The following KSR2 variants were observed in gnomAD, a reference collection of about 807,000 sequenced individuals.
KSR2 encodes the protein kinase suppressor of ras 2.
A neutral mutation model predicts 107.8 loss-of-function variants in KSR2; 25 were observed. The observed-to-expected ratio is 0.23, with a 90% CI of 0.17 to 0.32. The LOEUF (loss-of-function observed/expected upper bound fraction) is 0.32. Ranked by LOEUF, KSR2 falls within the 10% of genes least tolerant of loss-of-function variation. KSR2 has a pLI of 1.00. For missense variants in KSR2, 887 were observed against 1,268.9 expected (o/e 0.70, Z 4.57); for synonymous variants, 480 against 507.0 (o/e 0.95, Z 0.71).
intron 1 of KSR2, among the ~76,000 whole-genome samples, chr12:117,962,493 G>A (rs1044390906): frequency 6.6e-6 from 1 of 150,840 alleles, no homozygotes; most frequent in African/African-American, 2.4e-5. Context: ...CACCCAGGCT[G>A]GAGTGCAATG....
At chr12:117,539,972 C>T in intron 9 of KSR2, 85 bp from the exon 10 acceptor site, 1 of 1,115,800 alleles carries the variant, frequency 9.0e-7, no homozygotes, top group Non-Finnish European at 1.3e-6. Flanking sequence ...AGGAGAGGCC[C>T]CCACCCCAGC....
At chr12:117,829,379 C>T (rs1007312058) in intron 3 of KSR2, among the ~76,000 whole-genome samples, 1 of 152,218 alleles carries the variant, frequency 6.6e-6, no homozygotes, top group Admixed American at 6.5e-5. Context: ...CTCCAAAACA[C>T]TGCTTGTTTT....
intron 1 of KSR2, among the ~76,000 whole-genome samples, chr12:117,902,197 A>G (rs955900999): frequency 6.6e-6 from 1 of 152,174 alleles, no homozygotes; most frequent in Non-Finnish European, 1.5e-5. Context: ...GGTGGCTCAC[A>G]CCTGTAATCC....
At chr12:117,647,560 A>C (rs1883707182) in intron 5 of KSR2, among the ~76,000 whole-genome samples, 1 of 152,156 alleles carries the variant, frequency 6.6e-6, no homozygotes, top group Non-Finnish European at 1.5e-5. Flanking sequence ...TGAGTGACAA[A>C]GAGGTAAATC....
chr12:117,906,294 GGTGAGCCGAGATCGGGCCA>G (rs1894841060), intron 1 of KSR2, among the ~76,000 whole-genome samples: 1 of 150,232 alleles, frequency 6.7e-6, no homozygotes, highest in African/African-American at 2.5e-5. Flanking sequence ...CAGAGGTTGT[GGTGAGCCGAGATCGGGCCA>G]TTGCACTCCA....
At chr12:117,900,227 T>C (rs906248938) in intron 1 of KSR2, among the ~76,000 whole-genome samples, 19 of 152,342 alleles carry the variant, frequency 1.2e-4, no homozygotes, top group Middle Eastern at 3.4e-3. Flanking sequence ...CAGAGACTCA[T>C]TGACTGTTAC....
chr12:117,689,881 C>T (rs1237183225), intron 4 of KSR2, among the ~76,000 whole-genome samples: 18 of 151,946 alleles, frequency 1.2e-4, no homozygotes. Context: ...GGGGAACTCC[C>T]AAATTTGACT....
At chr12:117,881,861 A>C (rs955509727) in intron 1 of KSR2, among the ~76,000 whole-genome samples, 2 of 152,230 alleles carry the variant, frequency 1.3e-5, no homozygotes, top group African/African-American at 4.8e-5. Flanking sequence ...ATCTTTGCCC[A>C]ATTAATATTA....
intron 5 of KSR2, among the ~76,000 whole-genome samples, chr12:117,610,576 C>T (rs903255493): frequency 1.3e-5 from 2 of 151,790 alleles, no homozygotes; most frequent in South Asian, 2.1e-4. Context: ...GGTGATATCT[C>T]GTCTCTACAA....
At chr12:117,540,380 G>A (rs1779741816) in intron 9 of KSR2, among the ~76,000 whole-genome samples, 1 of 152,114 alleles carries the variant, frequency 6.6e-6, no homozygotes, top group African/African-American at 2.4e-5. Context: ...CAAAAACAAG[G>A]AGAGAGAGAG....
intron 10 of KSR2, among the ~76,000 whole-genome samples, chr12:117,536,206 C>A (rs1221294853): frequency 6.6e-6 from 1 of 152,152 alleles, no homozygotes; most frequent in African/African-American, 2.4e-5. Flanking sequence ...TAAGCTTTAG[C>A]TTAAATAGCC....
intron 9 of KSR2, among the ~76,000 whole-genome samples, chr12:117,554,226 G>T (rs764711928): frequency 6.6e-6 from 1 of 152,108 alleles, no homozygotes; most frequent in Non-Finnish European, 1.5e-5. Flanking sequence ...TAAAGGATAT[G>T]GAAATCAGGC....
chr12:117,519,748 C>T (rs1253649118), intron 14 of KSR2, among the ~76,000 whole-genome samples: 2 of 151,648 alleles, frequency 1.3e-5, no homozygotes, highest in Non-Finnish European at 2.9e-5. Flanking sequence ...TGTAATTTAG[C>T]GTATATATAG....
rs1328307571 is a variant in KSR2 at position 117,466,944 on chromosome 12, C to T, written c.*255G>A. 18 of 437,046 alleles carry T rather than the reference C, an allele frequency of 4.1e-5. No individual in the cohort carries two copies. Among genetic ancestry groups the T allele is most frequent in the Admixed American group, 1.3e-4 (3 of 23,572 alleles). 27.1% of individuals were successfully genotyped at this position (437,046 alleles called of 1,614,324 possible). A position where few individuals can be genotyped will look rare whatever the true frequency, so the allele number is the denominator to read the frequency against. On this transcript the variant is annotated 3_prime_UTR_variant, in exon 20 of 20. Coordinates refer to ENST00000339824, the MANE Select transcript of KSR2 (RefSeq NM_173598.6). ...CTCTCATTAGTGCTGTCCCCTGGGC[C>T]GCACTGATCAATAACGCATCACCCT...
In KSR2 at chr12:117,463,049, G is replaced by A. The variant is rs1181791928; in HGVS notation, c.*4150C>T. The A allele has an allele frequency of 6.6e-6, 1 of 152,206 alleles. No homozygotes were observed. The highest frequency in any genetic ancestry group is 2.4e-5 in the African/African-American group (1 of 41,450). The allele number at this position is 152,206 out of a possible 1,614,324, so 9.4% of individuals were successfully genotyped here. ...GACTTCCAGCCTCAAGAATTGTGAG[G>A]AATAAATTCGTGTTGTTTAAGCCAC... On this transcript the variant is annotated 3_prime_UTR_variant, in exon 20 of 20. Coordinates refer to ENST00000339824, the MANE Select transcript of KSR2 (RefSeq NM_173598.6).
At chr12:117,869,581 TTTC>T (rs902348900) in intron 1 of KSR2, among the ~76,000 whole-genome samples, 20 of 152,332 alleles carry the variant, frequency 1.3e-4, no homozygotes, top group African/African-American at 4.6e-4. Context: ...CTGTGGACGA[TTTC>T]TTTTTTCCTC....
At chr12:117,557,871 C>T (rs1877817709) in intron 8 of KSR2, among the ~76,000 whole-genome samples, 2 of 152,122 alleles carry the variant, frequency 1.3e-5, no homozygotes, top group African/African-American at 2.4e-5. Flanking sequence ...TACAAAAGTT[C>T]CCAAGGCAGT....
At chr12:117,906,053 A>T (rs1375252323) in intron 1 of KSR2, among the ~76,000 whole-genome samples, 1 of 79,782 alleles carries the variant, frequency 1.3e-5, no homozygotes, top group Non-Finnish European at 2.4e-5. Flanking sequence ...AGAAACACTT[A>T]AAAAAACCGC....
At chr12:117,570,467 C>G (rs1878812439) in intron 7 of KSR2, among the ~76,000 whole-genome samples, 1 of 152,056 alleles carries the variant, frequency 6.6e-6, no homozygotes, top group African/African-American at 2.4e-5. Context: ...TGAAATAAAC[C>G]CTATAACATG....
Sources: allele counts gnomAD v4.1 joint callset (sites outside exome capture counted in the v4.1 genomes callset), GRCh38; gene constraint gnomAD v4.1.1; transcripts MANE v1.5; gene names NCBI Gene and HGNC (gene_info 2026-07-23, HGNC 2026-07-21).